Variants in EMID1 observed in about 807,000 individuals in gnomAD.
The protein encoded by EMID1 is EMI domain containing 1.
Under a neutral mutation model 60.6 loss-of-function variants are expected in EMID1, and 40 were observed. That is an observed-to-expected ratio of 0.66 (90% confidence interval 0.51 to 0.86). The LOEUF is 0.86. EMID1 is among the 40% of genes least tolerant of loss of function. EMID1 has a pLI of 0.00. For synonymous variants in EMID1, 242 were observed against 231.0 expected (o/e 1.05, Z -0.43); for missense variants, 585 against 597.1 (o/e 0.98, Z 0.21).
chr22:29,217,387 G>A (rs2040126517), intron 3 of EMID1, among the ~76,000 whole-genome samples: 1 of 152,268 alleles, frequency 6.6e-6, no homozygotes, highest in South Asian at 2.1e-4. Flanking sequence ...GCGTGGGTAT[G>A]GGATATCTGA....
At position 29,214,909 on chromosome 22, in the gene EMID1, C is replaced by G; in HGVS notation, c.102-17C>G. The G allele has an allele frequency of 6.6e-7, 1 of 1,505,914 alleles. No homozygotes were observed. Among genetic ancestry groups the G allele is most frequent in the Non-Finnish European group, 9.0e-7 (1 of 1,114,686 alleles). The allele number at this position is 1,505,914 out of a possible 1,614,324, so 93.3% of individuals were successfully genotyped here. ...CCTGTGTGGTACCTGAGTTTCCTCT[C>G]TTTGGGTCTGTTTCAGGAACTGGTG... is the stretch of plus-strand genomic sequence containing the variant. On this transcript the variant is annotated splice_polypyrimidine_tract_variant and intron_variant, in intron 1 of 14. Transcript: ENST00000334018.
chr22:29,227,059 T>A (rs2040542259), intron 5 of EMID1, among the ~76,000 whole-genome samples: 1 of 150,802 alleles, frequency 6.6e-6, no homozygotes, highest in Non-Finnish European at 1.5e-5. Flanking sequence ...ATCACACATC[T>A]CAAATTATTT....
chr22:29,230,904 G>T, intron 5 of EMID1, 116 bp from the exon 6 acceptor site: 1 of 1,379,524 alleles, frequency 7.2e-7, no homozygotes, highest in Non-Finnish European at 9.7e-7. Context: ...TGCATGAGCC[G>T]TCATAGTACT....
At chr22:29,219,427 C>T (rs1381674073) in intron 3 of EMID1, among the ~76,000 whole-genome samples, 1 of 152,164 alleles carries the variant, frequency 6.6e-6, no homozygotes, top group Non-Finnish European at 1.5e-5. Context: ...CCTCACAGCC[C>T]TTGTCTTCCA....
chr22:29,255,209 C>A, intron 14 of EMID1: 1 of 233,926 alleles, frequency 4.3e-6, no homozygotes. Flanking sequence ...CCCCGCTTGG[C>A]TCCCCAGCCC....
intron 1 of EMID1, among the ~76,000 whole-genome samples, chr22:29,211,613 T>G: frequency 6.6e-6 from 1 of 152,172 alleles, no homozygotes; most frequent in Non-Finnish European, 1.5e-5. Context: ...CTCACTGCCA[T>G]GCATATTTGC....
At chr22:29,221,899 C>G (rs1040492335) in intron 3 of EMID1, among the ~76,000 whole-genome samples, 1 of 152,062 alleles carries the variant, frequency 6.6e-6, no homozygotes, top group African/African-American at 2.4e-5. Context: ...TCTTTAAACT[C>G]TTTTCTTTTT....
chr22:29,212,335 G>A (rs132378), intron 1 of EMID1, among the ~76,000 whole-genome samples: 133,146 of 151,858 alleles, frequency 0.88, 58,960 homozygotes, highest in Non-Finnish European at 0.93. Flanking sequence ...GGTTCTCACC[G>A]TGTTGCCCAG....
At chr22:29,218,137 G>T (rs1473368519) in intron 3 of EMID1, among the ~76,000 whole-genome samples, 9 of 152,208 alleles carry the variant, frequency 5.9e-5, no homozygotes, top group Non-Finnish European at 1.3e-4. Context: ...TAGATGCTCC[G>T]CAAATGTCTT....
At chr22:29,240,495 G>A (rs758295099) in intron 12 of EMID1, among the ~76,000 whole-genome samples, 5 of 151,980 alleles carry the variant, frequency 3.3e-5, no homozygotes, top group African/African-American at 4.8e-5. Flanking sequence ...CTGCCACACC[G>A]TAATCTAAGC....
At chr22:29,209,529 C>T (rs543387101) in intron 1 of EMID1, among the ~76,000 whole-genome samples, 61 of 152,308 alleles carry the variant, frequency 4.0e-4, no homozygotes, top group African/African-American at 1.3e-3. Context: ...CTCCTCTGGC[C>T]GGAGCTGCTG....
intron 8 of EMID1, 22 bp from the exon 9 acceptor site, chr22:29,233,357 C>T: frequency 1.2e-6 from 2 of 1,613,352 alleles, no homozygotes; most frequent in Non-Finnish European, 1.7e-6. Context: ...GCTCTACTCA[C>T]TCATCATCTT....
intron 12 of EMID1, among the ~76,000 whole-genome samples, chr22:29,240,552 G>A (rs1315986612): frequency 6.6e-6 from 1 of 152,128 alleles, no homozygotes; most frequent in Middle Eastern, 3.2e-3. Flanking sequence ...CAGGGCTCAG[G>A]GCATAAAACC....
At chr22:29,210,021 C>A (rs1378104187) in intron 1 of EMID1, among the ~76,000 whole-genome samples, 1 of 151,616 alleles carries the variant, frequency 6.6e-6, no homozygotes, top group African/African-American at 2.4e-5. Context: ...TGGAGGAGCT[C>A]GGGCTGATGC....
At chr22:29,213,581 G>A (rs1306136102) in intron 1 of EMID1, among the ~76,000 whole-genome samples, 1 of 152,064 alleles carries the variant, frequency 6.6e-6, no homozygotes, top group Non-Finnish European at 1.5e-5. Context: ...GCTGCAGCGA[G>A]TGGGGGCTGC....
intron 2 of EMID1, 43 bp from the exon 3 acceptor site, chr22:29,215,484 T>C: frequency 6.3e-7 from 1 of 1,582,852 alleles, no homozygotes; most frequent in Non-Finnish European, 8.7e-7. Flanking sequence ...GGAGAGGTCA[T>C]GGAGGACCCT....
intron 5 of EMID1, 104 bp from the exon 6 acceptor site, chr22:29,230,916 C>G: frequency 5.5e-6 from 8 of 1,456,262 alleles, no homozygotes; most frequent in Non-Finnish European, 7.4e-6. Context: ...CATAGTACTA[C>G]TGCATTCTAG....
At chr22:29,220,366 A>G (rs1415828331) in intron 3 of EMID1, among the ~76,000 whole-genome samples, 1 of 152,174 alleles carries the variant, frequency 6.6e-6, no homozygotes, top group Non-Finnish European at 1.5e-5. Flanking sequence ...CCGGACATAG[A>G]CTAAGCCTTC....
chr22:29,242,891 A>G (rs541047536), intron 12 of EMID1, among the ~76,000 whole-genome samples: 1 of 152,166 alleles, frequency 6.6e-6, no homozygotes, highest in Non-Finnish European at 1.5e-5. Context: ...TGTCTCCTAT[A>G]TGGTGGGCAA....
Sources: allele counts gnomAD v4.1 joint callset (sites outside exome capture counted in the v4.1 genomes callset), GRCh38; gene constraint gnomAD v4.1.1; transcripts MANE v1.5; gene names NCBI Gene and HGNC (gene_info 2026-07-23, HGNC 2026-07-21).